TCFL5: variants seen among roughly 807,000 people sequenced by gnomAD.
The protein encoded by TCFL5 is transcription factor like 5.
A neutral mutation model predicts 44.3 loss-of-function variants in TCFL5; 9 were observed. The ratio of observed to expected loss-of-function variants is 0.20; its 90% CI spans 0.12 to 0.35. The LOEUF (loss-of-function observed/expected upper bound fraction) is 0.35, where lower values mean the gene tolerates loss of function less well. Among genes scored for constraint, TCFL5 ranks in the 10% least tolerant of loss-of-function variants. TCFL5 has a pLI of 1.00. For synonymous variants in TCFL5, 319 were observed against 271.6 expected, an observed-to-expected ratio of 1.17 and a Z score of -1.72; for missense variants, 603 against 613.4, an observed-to-expected ratio of 0.98 and a Z score of 0.18.
chr20:62,860,991 G>C, intron 1 of TCFL5, 33 bp downstream of exon 1: 6 of 992,046 alleles, frequency 6.0e-6, no homozygotes, highest in Non-Finnish European at 7.2e-6. Flanking sequence ...CCTCCACCCG[G>C]GCCCCGCCAG....
In TCFL5 at chr20:62,845,992, G is replaced by A. The variant is rs372982088; in HGVS notation, c.1381-3895C>T. 4.6e-5 allele frequency: 65 copies of A among 1,408,600 alleles called. 1 individual carries two copies. The highest frequency in any genetic ancestry group is 4.5e-4 in the South Asian group (37 of 81,920). The allele number at this position is 1,408,600 out of a possible 1,614,324, so 87.3% of individuals were successfully genotyped here. A position where few individuals can be genotyped will look rare whatever the true frequency, so the allele number is the denominator to read the frequency against. On this transcript the variant is annotated intron_variant, in intron 5 of 5. Coordinates refer to ENST00000335351, the MANE Select transcript of TCFL5 (RefSeq NM_006602.4). The stretch of plus-strand genomic sequence containing the variant: ...CTTCAAATGCAAAGCTCCTGGCTTC[G>A]TGGAGACACAGCCATTTGTGATTTG...
intron 5 of TCFL5, chr20:62,852,858 C>T (rs562760768): frequency 2.4e-5 from 31 of 1,289,614 alleles, no homozygotes; most frequent in Non-Finnish European, 3.0e-5. Context: ...AAAGTATGTT[C>T]ACCCAGTCCA....
chr20:62,853,830 G>A (rs190660864), intron 5 of TCFL5, among the ~76,000 whole-genome samples, 186 bp downstream of exon 5: 1 of 152,214 alleles, frequency 6.6e-6, no homozygotes, highest in Non-Finnish European at 1.5e-5. Flanking sequence ...CATGTAGGCT[G>A]TGACTATTAC....
chr20:62,858,853 T>G (rs2063939075), intron 3 of TCFL5, among the ~76,000 whole-genome samples: 1 of 150,948 alleles, frequency 6.6e-6, no homozygotes. Flanking sequence ...ACGCAGGTGT[T>G]TCCCAGGGAG....
rs751349557 is a variant in TCFL5 at position 62,861,177 on chromosome 20, GCCGCGC to G, written c.488_493del (p.Gly163_Ala164del). The G allele has an allele frequency of 9.5e-4, 973 of 1,024,096 alleles. 7 individuals are homozygous for G. The African/African-American group carries it at 0.014, about 15-fold the overall frequency. The allele number at this position is 1,024,096 out of a possible 1,614,324, so 63.4% of individuals were successfully genotyped here. ...GCCGTCGGGTCCAGCCGCAGCCGCA[GCCGCGC>G]CCGCGCCCTCCTTGGCGGCGCCGTC... On this transcript the variant is annotated inframe_deletion, in exon 1 of 6. Transcript: ENST00000335351. This position sits in a 1 kb window ranked among gnomAD's most constrained non-coding sequence, Gnocchi z 4.0.
chr20:62,847,510 G>A (rs1209278428), intron 5 of TCFL5, among the ~76,000 whole-genome samples: 1 of 152,236 alleles, frequency 6.6e-6, no homozygotes, highest in Non-Finnish European at 1.5e-5. Context: ...GGCCAGAGGG[G>A]TACAGCAGAC....
chr20:62,844,572 T>G (rs1305560645), intron 5 of TCFL5, among the ~76,000 whole-genome samples: 2 of 134,002 alleles, frequency 1.5e-5, no homozygotes, highest in African/African-American at 7.4e-5. Flanking sequence ...TTTTTTTTTG[T>G]TTGTTTTTTG....
intron 5 of TCFL5, among the ~76,000 whole-genome samples, chr20:62,851,012 C>T (rs751637037): frequency 6.6e-5 from 10 of 152,204 alleles, no homozygotes; most frequent in Non-Finnish European, 1.3e-4. Flanking sequence ...GCGCAGGGTA[C>T]CCCAGCACCT....
At position 62,842,146 on chromosome 20, in the gene TCFL5, ACTG is replaced by A. The variant is rs2063686369; in HGVS notation, c.1381-52_1381-50del. On this transcript the variant is annotated intron_variant, in intron 5 of 5. Transcript: ENST00000335351. This position sits in a 1 kb window ranked among gnomAD's most constrained non-coding sequence, Gnocchi z 4.3. The stretch of plus-strand genomic sequence containing the variant: ...ACATACTGAATTAACTGACATGAAA[ACTG>A]CTGTCTTCCAAAGTGCAAAAGGTTC... The A allele has an allele frequency of 6.2e-7, 1 of 1,610,226 alleles. No homozygotes were observed. The highest frequency in any genetic ancestry group is 1.1e-5 in the South Asian group (1 of 90,684).
intron 5 of TCFL5, among the ~76,000 whole-genome samples, chr20:62,843,911 G>GT: frequency 6.6e-6 from 1 of 152,366 alleles, no homozygotes; most frequent in Middle Eastern, 3.4e-3. Flanking sequence ...GCTGTAGCCT[G>GT]TGTCAGAATT....
chr20:62,844,721 G>A (rs1029032176), intron 5 of TCFL5: 1 of 239,652 alleles, frequency 4.2e-6, no homozygotes, highest in Non-Finnish European at 6.7e-6. Context: ...TCAGCCTCCT[G>A]AATAGCTGGG....
chr20:62,846,860 G>C (rs6011419), intron 5 of TCFL5, among the ~76,000 whole-genome samples: 1 of 151,756 alleles, frequency 6.6e-6, no homozygotes, highest in Non-Finnish European at 1.5e-5. Context: ...CTCTAACTAT[G>C]AGTCAGGAAA....
Position 62,852,982 on chromosome 20 carries a change from G to A in TCFL5, c.1380+1034C>T, listed in dbSNP as rs183557851. 1.9e-4 allele frequency: 243 copies of A among 1,280,998 alleles called. 1 individual carries two copies. The African/African-American group carries it at 3.1e-3, about 16-fold the overall frequency. The allele number at this position is 1,280,998 out of a possible 1,614,324, so 79.4% of individuals were successfully genotyped here. ...TCCGCAGAAGCATGGTCACCCGGTC[G>A]GCTGAAGTACATTCACCCAGTCCGC... On this transcript the variant is annotated intron_variant, in intron 5 of 5. Coordinates refer to ENST00000335351, the MANE Select transcript of TCFL5 (RefSeq NM_006602.4).
At chr20:62,854,437 C>T (rs1421194840) in intron 4 of TCFL5, among the ~76,000 whole-genome samples, 1 of 152,208 alleles carries the variant, frequency 6.6e-6, no homozygotes, top group East Asian at 1.9e-4. Context: ...TCTCACGGGC[C>T]AGGTTCAAGT....
intron 5 of TCFL5, among the ~76,000 whole-genome samples, chr20:62,853,291 T>C (rs904034635): frequency 1.3e-5 from 2 of 151,818 alleles, no homozygotes; most frequent in African/African-American, 2.4e-5. Flanking sequence ...CTGGGCATAT[T>C]TGAAGTCCAG....
rs1239522561 is a variant in TCFL5, at chr20:62,858,693, ACGCAGG to A, written c.994+665_994+670del. On this transcript the variant is annotated intron_variant, in intron 3 of 5. Transcript: ENST00000335351. ...GGTGTTTCCCAGGGAGGAAGGGGCT[ACGCAGG>A]TGTTTCCCAGGGAGGAAGGGGCTAC... 5.8e-3 allele frequency among the ~76,000 whole-genome samples: 747 copies of A among 128,528 alleles called. 2 individuals are homozygous for A. Among genetic ancestry groups the A allele is most frequent in the Middle Eastern group, 9.4e-3 (2 of 212 alleles). 84.3% of individuals were successfully genotyped at this position (128,528 alleles called of 152,430 possible). A position where few individuals can be genotyped will look rare whatever the true frequency, so the allele number is the denominator to read the frequency against.
chr20:62,851,675 G>A (rs1200054823), intron 5 of TCFL5: 7 of 985,238 alleles, frequency 7.1e-6, no homozygotes, highest in African/African-American at 3.5e-5. Context: ...TATGCAACTC[G>A]CAAGATGTAA....
chr20:62,844,149 G>A (rs1388801431), intron 5 of TCFL5, among the ~76,000 whole-genome samples: 2 of 152,206 alleles, frequency 1.3e-5, no homozygotes, highest in Admixed American at 6.5e-5. Flanking sequence ...CTGTCATACT[G>A]TCTTCCACAG....
rs774023688 is a variant in TCFL5 at position 62,860,154 on chromosome 20, T to G, written c.802A>C (p.Ser268Arg). 1 of 1,612,230 alleles carries G rather than the reference T, an allele frequency of 6.2e-7. No individual in the cohort carries two copies. The highest frequency in any genetic ancestry group is 8.5e-7 in the Non-Finnish European group (1 of 1,178,476). The change falls in exon 2 of 6, where the codon AGT (serine) becomes CGT (arginine). Residue 268 changes from serine (S) to arginine (R), a missense_variant. Physicochemically the swap from Ser to Arg is moderately radical, Grantham distance 110. Transcript: ENST00000335351. ...PLFTTNACSTSGNSNLSQTQS... is the reference protein window; with the variant it reads ...PLFTTNACSTRGNSNLSQTQS... ...GTCTGTGAAAGATTAGAATTTCCAC[T>G]AGTAGAGCAAGCATTTGTAGTAAAC...
Sources: allele counts gnomAD v4.1 joint callset (sites outside exome capture counted in the v4.1 genomes callset), GRCh38; gene constraint gnomAD v4.1.1; non-coding constraint Gnocchi (gnomAD v3.1); transcripts MANE v1.5; gene names NCBI Gene and HGNC (gene_info 2026-07-23, HGNC 2026-07-21).